Variants in SERTAD2 observed in about 807,000 individuals in gnomAD.
SERTAD2 encodes the protein SERTA domain containing 2.
SERTAD2 carries 2 observed loss-of-function variants against 15.4 expected under a neutral mutation model. The ratio of observed to expected loss-of-function variants is 0.13; its 90% CI spans 0.05 to 0.41. The LOEUF (loss-of-function observed/expected upper bound fraction) is 0.41, where lower values mean the gene tolerates loss of function less well. Among genes scored for constraint, SERTAD2 ranks in the 10% least tolerant of loss-of-function variants. The pLI, the probability that SERTAD2 is intolerant of heterozygous loss-of-function variation, is 0.99. For synonymous variants in SERTAD2, 180 were observed against 178.0 expected (o/e 1.01, Z -0.09); for missense variants, 333 against 409.7 (o/e 0.81, Z 1.62).
chr2:64,642,707 G>A (rs527979755), intron 1 of SERTAD2, among the ~76,000 whole-genome samples: 8 of 152,186 alleles, frequency 5.3e-5, no homozygotes, highest in Admixed American at 2.6e-4. Context: ...TGGTTCCCTC[G>A]ACAGACCCTG....
chr2:64,636,956 G>T (rs1674675891), intron 1 of SERTAD2, 81 bp from the exon 2 acceptor site: 2 of 1,031,226 alleles, frequency 1.9e-6, no homozygotes, highest in African/African-American at 1.6e-5. Context: ...GATTTAGAGG[G>T]CAGGACTTGG....
intron 1 of SERTAD2, among the ~76,000 whole-genome samples, chr2:64,638,051 A>T (rs1180630496): frequency 6.6e-6 from 1 of 152,186 alleles, no homozygotes; most frequent in Non-Finnish European, 1.5e-5. Flanking sequence ...TGGTGTTCGG[A>T]CCAGGATCGT....
chr2:64,644,303 T>C (rs561412639), intron 1 of SERTAD2, among the ~76,000 whole-genome samples: 1 of 152,370 alleles, frequency 6.6e-6, no homozygotes, highest in African/African-American at 2.4e-5. Context: ...CAGGATTGTT[T>C]TGAGACAACT....
chr2:64,640,540 G>A (rs1228322996), intron 1 of SERTAD2, among the ~76,000 whole-genome samples: 2 of 152,076 alleles, frequency 1.3e-5, no homozygotes, highest in Non-Finnish European at 2.9e-5. Flanking sequence ...GAGAGGCAAG[G>A]GACCTTTCAA....
intron 1 of SERTAD2, among the ~76,000 whole-genome samples, chr2:64,653,343 C>T (rs1256785924): frequency 1.3e-5 from 2 of 151,708 alleles, no homozygotes; most frequent in Non-Finnish European, 2.9e-5. Context: ...GCTCGGCTCT[C>T]CGAGCTCCCG....
intron 1 of SERTAD2, among the ~76,000 whole-genome samples, chr2:64,647,092 T>C (rs1008368469): frequency 2.6e-5 from 4 of 152,318 alleles, no homozygotes; most frequent in East Asian, 1.9e-4. Flanking sequence ...CATTTAATTA[T>C]AAAATGTAAC....
intron 1 of SERTAD2, among the ~76,000 whole-genome samples, chr2:64,648,023 G>T (rs1337167685): frequency 3.3e-5 from 5 of 152,154 alleles, no homozygotes; most frequent in Admixed American, 3.3e-4. Context: ...GTCCAAAGAG[G>T]AAAACCTGAG....
Position 64,633,829 on chromosome 2 carries a change from A to G in SERTAD2, c.*2098T>C, listed in dbSNP as rs1259818747. The G allele has an allele frequency of 1.3e-5, 2 of 152,318 alleles. No individual in the cohort carries two copies. The highest frequency in any genetic ancestry group is 4.8e-5 in the African/African-American group (2 of 41,440). 9.4% of individuals were successfully genotyped at this position (152,318 alleles called of 1,614,324 possible). A position where few individuals can be genotyped will look rare whatever the true frequency, so the allele number is the denominator to read the frequency against. On this transcript the variant is annotated 3_prime_UTR_variant, in exon 2 of 2. Transcript: ENST00000313349. ...TTTCTCACTGCTCTACTGAGCTGATAATTAGCCTTTAAAACACATTCAAGT... is the reference window on the plus strand; with the variant it reads ...TTTCTCACTGCTCTACTGAGCTGATGATTAGCCTTTAAAACACATTCAAGT...
chr2:64,647,270 C>T (rs557064938), intron 1 of SERTAD2, among the ~76,000 whole-genome samples: 2 of 152,226 alleles, frequency 1.3e-5, no homozygotes, highest in African/African-American at 4.8e-5. Context: ...AAATTGGAAA[C>T]TATAAACATA....
rs1249020082 is a variant in SERTAD2, at chr2:64,653,910, G to C, written c.-295C>G. The C allele has an allele frequency of 2.0e-5, 3 of 150,552 alleles. No individual in the cohort carries two copies. Among genetic ancestry groups the C allele is most frequent in the African/African-American group, 2.4e-5 (1 of 41,100 alleles). 9.3% of individuals were successfully genotyped at this position (150,552 alleles called of 1,614,324 possible). On this transcript the variant is annotated 5_prime_UTR_variant, in exon 1 of 2. Coordinates refer to ENST00000313349, the MANE Select transcript of SERTAD2 (RefSeq NM_014755.3). ...TCGTGCTCCAGCACTCGCCGTGCAG[G>C]AGTGACGTGCGGCCCGCGAGCCTCC...
At chr2:64,646,671 C>G (rs1005055991) in intron 1 of SERTAD2, 2 of 152,082 alleles carry the variant, frequency 1.3e-5, no homozygotes, top group African/African-American at 4.8e-5. Context: ...TTTGCCAAGG[C>G]CAAAATAAAT....
intron 1 of SERTAD2, among the ~76,000 whole-genome samples, chr2:64,648,903 A>C (rs1249146557): frequency 6.6e-6 from 1 of 152,172 alleles, no homozygotes; most frequent in Admixed American, 6.5e-5. Flanking sequence ...TGACAAGCAG[A>C]GAGGCAGAGC....
chr2:64,638,229 C>T (rs529175693), intron 1 of SERTAD2, among the ~76,000 whole-genome samples: 2 of 152,348 alleles, frequency 1.3e-5, no homozygotes, highest in South Asian at 4.1e-4. Context: ...ATGCCACTTA[C>T]CTTTTAATGA....
At chr2:64,650,343 T>C (rs1674982951) in intron 1 of SERTAD2, among the ~76,000 whole-genome samples, 1 of 152,006 alleles carries the variant, frequency 6.6e-6, no homozygotes, top group Non-Finnish European at 1.5e-5. Context: ...CATGTTTTGT[T>C]TGTCTCGTGA....
chr2:64,645,563 A>G (rs1674885311), intron 1 of SERTAD2, among the ~76,000 whole-genome samples: 1 of 152,228 alleles, frequency 6.6e-6, no homozygotes, highest in African/African-American at 2.4e-5. Flanking sequence ...GCAATTTCCA[A>G]TACTGGAGGT....
At chr2:64,645,476 G>A (rs1273793612) in intron 1 of SERTAD2, among the ~76,000 whole-genome samples, 2 of 152,074 alleles carry the variant, frequency 1.3e-5, no homozygotes, top group Non-Finnish European at 2.9e-5. Flanking sequence ...TACTGTTTGG[G>A]GTTGTTTTCT....
At position 64,649,250 on chromosome 2, in the gene SERTAD2, C is replaced by T. The variant is rs148173465; in HGVS notation, c.-5+4370G>A. ...CACAAGGGTGGGGTACACCAGCAGG[C>T]CTGCTCCAAACCCCAGGAGCTGCAG... On this transcript the variant is annotated intron_variant, in intron 1 of 1. Coordinates refer to ENST00000313349, the MANE Select transcript of SERTAD2 (RefSeq NM_014755.3). Among the ~76,000 whole-genome samples, 82 of 152,356 alleles carry T rather than the reference C, an allele frequency of 5.4e-4. 1 individual carries two copies. In the East Asian group the frequency reaches 0.013, roughly 24 times the overall value.
intron 1 of SERTAD2, among the ~76,000 whole-genome samples, chr2:64,638,957 G>C (rs1257373071): frequency 6.6e-6 from 1 of 152,232 alleles, no homozygotes; most frequent in Non-Finnish European, 1.5e-5. Flanking sequence ...CTTCATGCAT[G>C]AGAGGTACTA....
At position 64,636,200 on chromosome 2, in the gene SERTAD2, A is replaced by G. The variant is rs745588785; in HGVS notation, c.672T>C (p.Ser224=). 17 of 1,614,166 alleles carry G rather than the reference A, an allele frequency of 1.1e-5. No homozygotes were observed. In the South Asian group the frequency reaches 1.8e-4, roughly 17 times the overall value. The part of the protein sequence containing the change: ...SRADDSKLMD[S]LPGNFEITTS... The stretch of plus-strand genomic sequence containing the variant: ...TCGTTATTTCAAAATTCCCAGGCAG[A>G]GAGTCCATCAGTTTTGAGTCATCTG... The change falls in exon 2 of 2, where the codon TCT becomes TCC. Residue 224 remains serine, a synonymous_variant. Transcript: ENST00000313349.
Sources: allele counts gnomAD v4.1 joint callset (sites outside exome capture counted in the v4.1 genomes callset), GRCh38; gene constraint gnomAD v4.1.1; transcripts MANE v1.5; gene names NCBI Gene and HGNC (gene_info 2026-07-23, HGNC 2026-07-21).